The following SLC7A9 variants were observed in gnomAD, a reference collection of about 807,000 sequenced individuals.
The protein encoded by SLC7A9 is B(0,+)-type amino acid transporter 1.
A neutral mutation model predicts 54.1 loss-of-function variants in SLC7A9; 38 were observed. The observed-to-expected ratio is 0.70, with a 90% CI of 0.54 to 0.92. The LOEUF is 0.92. Ranked by LOEUF, SLC7A9 falls within the 40% of genes least tolerant of loss-of-function variation. The pLI, the probability that SLC7A9 is intolerant of heterozygous loss-of-function variation, is 0.00. For missense variants in SLC7A9, 537 were observed against 636.1 expected, an observed-to-expected ratio of 0.84 and a Z score of 1.68; for synonymous variants, 264 against 258.9, an observed-to-expected ratio of 1.02 and a Z score of -0.19.
chr19:32,851,271 C>T (rs1968458782), intron 9 of SLC7A9, among the ~76,000 whole-genome samples: 1 of 151,852 alleles, frequency 6.6e-6, no homozygotes, highest in African/African-American at 2.4e-5. Flanking sequence ...TCGCAACCTA[C>T]TCATCTGACA....
chr19:32,844,397 G>A (rs1413126435), intron 9 of SLC7A9, among the ~76,000 whole-genome samples: 1 of 152,188 alleles, frequency 6.6e-6, no homozygotes, highest in Admixed American at 6.5e-5. Flanking sequence ...CCTGCTGTGT[G>A]TAGAACACTA....
intron 2 of SLC7A9, among the ~76,000 whole-genome samples, chr19:32,867,371 G>C (rs1969001573): frequency 6.6e-6 from 1 of 152,092 alleles, no homozygotes; most frequent in Non-Finnish European, 1.5e-5. Flanking sequence ...TAAAAATTTG[G>C]CAGAGCATGG....
intron 10 of SLC7A9, among the ~76,000 whole-genome samples, chr19:32,842,819 G>T (rs573365095): frequency 3.3e-5 from 5 of 151,734 alleles, no homozygotes; most frequent in Admixed American, 1.3e-4. Context: ...GCCATCTCAC[G>T]GTTTTAATGG....
At chr19:32,860,502 G>C (rs1165523586) in intron 7 of SLC7A9, 104 bp downstream of exon 7, 3 of 1,588,608 alleles carry the variant, frequency 1.9e-6, no homozygotes, top group South Asian at 1.2e-5. Context: ...ATTCACTGTC[G>C]GGAAGGGCAT....
intron 9 of SLC7A9, among the ~76,000 whole-genome samples, chr19:32,855,722 G>T (rs976486073): frequency 1.3e-5 from 2 of 151,512 alleles, no homozygotes; most frequent in Non-Finnish European, 2.9e-5. Flanking sequence ...ATAGAAAAAT[G>T]CAAGTTAGCT....
intron 2 of SLC7A9, among the ~76,000 whole-genome samples, chr19:32,867,232 C>A (rs1204441025): frequency 6.6e-6 from 1 of 152,204 alleles, no homozygotes; most frequent in African/African-American, 2.4e-5. Context: ...CTGGGCACAG[C>A]GACTCACGCC....
At position 32,830,575 on chromosome 19, in the gene SLC7A9, T is replaced by TAAGAA. The variant is rs773206912; in HGVS notation, c.*40_*44dup. 40 of 1,436,734 alleles carry TAAGAA rather than the reference T, an allele frequency of 2.8e-5. No individual in the cohort carries two copies. Among genetic ancestry groups the TAAGAA allele is most frequent in the Non-Finnish European group, 3.3e-5 (34 of 1,018,770 alleles). The allele number at this position is 1,436,734 out of a possible 1,614,324, so 89.0% of individuals were successfully genotyped here. A position where few individuals can be genotyped will look rare whatever the true frequency, so the allele number is the denominator to read the frequency against. On this transcript the variant is annotated 3_prime_UTR_variant, in exon 13 of 13. Coordinates refer to ENST00000023064, the MANE Select transcript of SLC7A9 (RefSeq NM_014270.5). Reference sequence around the variant, plus strand: ...GGAAGAAATAACCACAAATATTGCTTAAGAAAATAAATTCAGCTGACTTGG... The same window carrying TAAGAA: ...GGAAGAAATAACCACAAATATTGCTTAAGAAAAGAAAATAAATTCAGCTGACTTGG...
chr19:32,863,955 C>A, intron 4 of SLC7A9, 141 bp downstream of exon 4: 1 of 1,369,678 alleles, frequency 7.3e-7, no homozygotes, highest in South Asian at 1.2e-5. Context: ...GTGTGCAGCA[C>A]CCACAGGTAC....
intron 6 of SLC7A9, among the ~76,000 whole-genome samples, chr19:32,861,456 G>C (rs1968797502): frequency 6.6e-6 from 1 of 152,122 alleles, no homozygotes; most frequent in African/African-American, 2.4e-5. Context: ...GATTCAGAGA[G>C]GCTCCCAAAC....
In SLC7A9 at chr19:32,843,836, T is replaced by C; in HGVS notation, c.1074+19A>G. The C allele has an allele frequency of 6.3e-7, 1 of 1,588,432 alleles. No homozygotes were observed. The highest frequency in any genetic ancestry group is 8.6e-7 in the Non-Finnish European group (1 of 1,156,756). ...TGTCCCCGCCTTGAAGATAGGCTGG[T>C]AGCGGGATTTGTACTCACATAAAAG... On this transcript the variant is annotated intron_variant, in intron 10 of 12. Coordinates refer to ENST00000023064, the MANE Select transcript of SLC7A9 (RefSeq NM_014270.5).
chr19:32,855,476 G>A (rs1464005760), intron 9 of SLC7A9, among the ~76,000 whole-genome samples: 4 of 152,164 alleles, frequency 2.6e-5, no homozygotes, highest in Admixed American at 2.6e-4. Context: ...AAGGCGGGCG[G>A]ATCACGAGGT....
intron 2 of SLC7A9, among the ~76,000 whole-genome samples, 177 bp downstream of exon 2, chr19:32,868,271 C>A (rs1052902536): frequency 2.0e-5 from 3 of 150,882 alleles, no homozygotes; most frequent in South Asian, 2.1e-4. Context: ...AATTCCCTGG[C>A]GAGAGGGAAA....
chr19:32,830,749 G>T, intron 12 of SLC7A9, 65 bp from the exon 13 acceptor site: 2 of 1,286,670 alleles, frequency 1.6e-6, no homozygotes, highest in Non-Finnish European at 2.3e-6. Context: ...CACTGGAGTT[G>T]TTGTGGGTGA....
chr19:32,834,465 A>G (rs1034542669), intron 11 of SLC7A9, among the ~76,000 whole-genome samples: 2 of 152,110 alleles, frequency 1.3e-5, no homozygotes, highest in East Asian at 3.9e-4. Flanking sequence ...CCCCGTCTCT[A>G]CTAAAAATAC....
chr19:32,840,179 C>A (rs975173447), intron 11 of SLC7A9, among the ~76,000 whole-genome samples: 8 of 151,968 alleles, frequency 5.3e-5, no homozygotes, highest in Non-Finnish European at 8.8e-5. Flanking sequence ...TCTTTCTTTT[C>A]TTTTTTTCTT....
chr19:32,842,183 C>T lies in SLC7A9; in HGVS notation c.1209G>A (p.Leu403=). ...LIVMRFTRKE[L]ERPIKVPVVI... The stretch of plus-strand genomic sequence containing the variant: ...GCAAGCTTACCTTGATAGGCCTTTC[C>T]AGCTCTTTCCTTGTAAATCTCATCA... The change falls in exon 11 of 13, where the codon CTG becomes CTA. Residue 403 remains leucine, a synonymous_variant. Transcript: ENST00000023064. 1 of 1,614,138 alleles carries T rather than the reference C, an allele frequency of 6.2e-7. No homozygotes were observed. The highest frequency in any genetic ancestry group is 8.5e-7 in the Non-Finnish European group (1 of 1,180,024).
intron 8 of SLC7A9, 59 bp from the exon 9 acceptor site, chr19:32,858,602 C>T: frequency 7.2e-7 from 1 of 1,381,140 alleles, no homozygotes; most frequent in South Asian, 1.2e-5. Context: ...GAGCGGCCGG[C>T]CCCCAAAAGC....
chr19:32,860,797 G>T, intron 6 of SLC7A9, 147 bp from the exon 7 acceptor site: 2 of 1,122,954 alleles, frequency 1.8e-6, no homozygotes, highest in Non-Finnish European at 2.6e-6. Flanking sequence ...TTTTTTCCAG[G>T]TGAATGGCCC....
rs781401407 is a variant in SLC7A9 at position 32,842,221 on chromosome 19, G to C, written c.1171C>G (p.Leu391Val). 6.2e-7 allele frequency: 1 copy of C among 1,614,102 alleles called. No individual in the cohort carries two copies. The highest frequency in any genetic ancestry group is 1.1e-5 in the South Asian group (1 of 91,074). The change falls in exon 11 of 13, where the codon CTA (leucine) becomes GTA (valine). Residue 391 changes from leucine (L) to valine (V), a missense_variant. Coordinates refer to ENST00000023064, the MANE Select transcript of SLC7A9 (RefSeq NM_014270.5). ...AAWLFYGLTI[L>V]GLIVMRFTRK... ...GTAAATCTCATCACGATGAGTCCTA[G>C]AATCGTCAGGCCATAAAACAGCCAT...
Sources: allele counts gnomAD v4.1 joint callset (sites outside exome capture counted in the v4.1 genomes callset), GRCh38; gene constraint gnomAD v4.1.1; transcripts MANE v1.5; gene names NCBI Gene and HGNC (gene_info 2026-07-23, HGNC 2026-07-21).